Variants in ZC2HC1A observed in about 807,000 individuals in gnomAD.
The protein encoded by ZC2HC1A is zinc finger C2HC-type containing 1A.
Under a neutral mutation model 40.7 loss-of-function variants are expected in ZC2HC1A, and 28 were observed. The ratio of observed to expected loss-of-function variants is 0.69; its 90% CI spans 0.51 to 0.94. The LOEUF is 0.94. Ranked by LOEUF, ZC2HC1A falls within the 40% of genes least tolerant of loss-of-function variation. The pLI is 0.00. For missense variants in ZC2HC1A, 389 were observed against 386.3 expected, an observed-to-expected ratio of 1.01 and a Z score of -0.06; for synonymous variants, 129 against 129.2, an observed-to-expected ratio of 1.00 and a Z score of 0.01.
chr8:78,676,125 T>TAA (rs145824687), intron 2 of ZC2HC1A: 538 of 194,690 alleles, frequency 2.8e-3, no homozygotes, highest in Non-Finnish European at 3.4e-3. Context: ...ACAAACAAAA[T>TAA]AAAAAAAAAA....
chr8:78,685,149 G>T (rs1390616590), intron 3 of ZC2HC1A, among the ~76,000 whole-genome samples: 1 of 152,032 alleles, frequency 6.6e-6, no homozygotes, highest in African/African-American at 2.4e-5. Context: ...TCAGAAATAG[G>T]CCCAAATTCA....
rs146265574 is a variant in ZC2HC1A at position 78,715,667 on chromosome 8, T to C, written c.812+339T>C. Among the ~76,000 whole-genome samples the C allele has an allele frequency of 3.6e-4, 55 of 152,236 alleles. No individual in the cohort carries two copies. In the East Asian group the frequency reaches 0.011, roughly 29 times the overall value. On this transcript the variant is annotated intron_variant, in intron 8 of 8. Coordinates refer to ENST00000263849, the MANE Select transcript of ZC2HC1A (RefSeq NM_016010.3). ...TCAGTGGAGGAGGTAACTGCAGATG[T>C]ACTAGCAAAATAGCAAAAGAACTAG...
chr8:78,679,919 G>C (rs1462121944), intron 3 of ZC2HC1A, among the ~76,000 whole-genome samples: 1 of 152,084 alleles, frequency 6.6e-6, no homozygotes, highest in African/African-American at 2.4e-5. Context: ...GCCTATATTA[G>C]CTTTAATTTG....
chr8:78,685,118 CCGTGGAATG>C (rs1474431953), intron 3 of ZC2HC1A, among the ~76,000 whole-genome samples: 1 of 151,838 alleles, frequency 6.6e-6, no homozygotes, highest in Non-Finnish European at 1.5e-5. Context: ...ATAGTCAGAA[CCGTGGAATG>C]GAAGAGAAAG....
chr8:78,670,148 G>T (rs923475731), intron 1 of ZC2HC1A, among the ~76,000 whole-genome samples: 1 of 151,812 alleles, frequency 6.6e-6, no homozygotes, highest in Non-Finnish European at 1.5e-5. Flanking sequence ...TGTATTTTTA[G>T]TAGAGATGGG....
chr8:78,677,579 T>C (rs1809622551), intron 2 of ZC2HC1A, among the ~76,000 whole-genome samples: 2 of 152,180 alleles, frequency 1.3e-5, no homozygotes, highest in Non-Finnish European at 1.5e-5. Flanking sequence ...TTAACTTTTG[T>C]AATCCTAAAA....
chr8:78,686,508 T>C lies in ZC2HC1A; in HGVS notation c.252T>C (p.His84=). The C allele has an allele frequency of 1.3e-6, 2 of 1,545,928 alleles. No homozygotes were observed. The highest frequency in any genetic ancestry group is 1.7e-6 in the Non-Finnish European group (2 of 1,145,800). ...AACCATCTAATTGGAGAAGGAAACA[T>C]GAAGAATTCATTGCTACCATAAGAG... ...PKKPSNWRRK[H]EEFIATIRAA... is the part of the protein sequence containing the mutation. Residue 84 remains histidine, a synonymous_variant, in exon 4 of 9, where the codon CAT becomes CAC. Transcript: ENST00000263849.
intron 5 of ZC2HC1A, among the ~76,000 whole-genome samples, chr8:78,693,653 T>C (rs1362044231): frequency 6.6e-6 from 1 of 152,192 alleles, no homozygotes; most frequent in Non-Finnish European, 1.5e-5. Context: ...GATGAGTAGA[T>C]TGCAAAAATT....
chr8:78,670,025 T>C (rs1809400401), intron 1 of ZC2HC1A, among the ~76,000 whole-genome samples: 1 of 149,222 alleles, frequency 6.7e-6, no homozygotes, highest in Non-Finnish European at 1.5e-5. Flanking sequence ...TGGAGTGCAG[T>C]GGCATGATCT....
At chr8:78,702,316 C>A (rs1243609854) in intron 7 of ZC2HC1A, among the ~76,000 whole-genome samples, 2 of 149,844 alleles carry the variant, frequency 1.3e-5, no homozygotes, top group East Asian at 3.9e-4. Context: ...GTGGTAATAC[C>A]CCTCTTGTCA....
chr8:78,697,155 T>A (rs1810447563), intron 5 of ZC2HC1A, among the ~76,000 whole-genome samples: 1 of 152,198 alleles, frequency 6.6e-6, no homozygotes, highest in Admixed American at 6.5e-5. Context: ...CCAATTATTT[T>A]TTTACTGTGG....
chr8:78,703,452 G>GT (rs1401266295), intron 7 of ZC2HC1A, among the ~76,000 whole-genome samples: 1 of 151,870 alleles, frequency 6.6e-6, no homozygotes, highest in Non-Finnish European at 1.5e-5. Flanking sequence ...ATGAATCTGA[G>GT]TGCTCCTGTG....
intron 7 of ZC2HC1A, among the ~76,000 whole-genome samples, chr8:78,714,368 T>G (rs946635982): frequency 9.2e-5 from 14 of 152,148 alleles, no homozygotes; most frequent in Non-Finnish European, 2.1e-4. Context: ...AGCACTATTA[T>G]ATAAATGTTA....
At chr8:78,715,111 T>C (rs997794855) in intron 7 of ZC2HC1A, 110 bp from the exon 8 acceptor site, 30 of 901,076 alleles carry the variant, frequency 3.3e-5, no homozygotes, top group Non-Finnish European at 4.5e-5. Flanking sequence ...TTTAATCTTT[T>C]GAACTTCTCT....
intron 3 of ZC2HC1A, among the ~76,000 whole-genome samples, chr8:78,684,970 A>G (rs929300428): frequency 6.6e-6 from 1 of 152,198 alleles, no homozygotes; most frequent in Admixed American, 6.5e-5. Flanking sequence ...TAAAAATTAG[A>G]CAAGTTGATT....
intron 7 of ZC2HC1A, among the ~76,000 whole-genome samples, chr8:78,704,672 A>G (rs1266449445): frequency 6.6e-6 from 1 of 152,200 alleles, no homozygotes; most frequent in Non-Finnish European, 1.5e-5. Context: ...GTTCTCATGG[A>G]TGACATCCTG....
chr8:78,685,820 T>G (rs1809950406), intron 3 of ZC2HC1A: 1 of 152,258 alleles, frequency 6.6e-6, no homozygotes, highest in South Asian at 2.1e-4. Flanking sequence ...TGTGTTAGTC[T>G]CTTTTCTGCT....
intron 5 of ZC2HC1A, among the ~76,000 whole-genome samples, chr8:78,697,189 T>G (rs1215399926): frequency 6.6e-6 from 1 of 152,238 alleles, no homozygotes; most frequent in African/African-American, 2.4e-5. Context: ...GCATAAACTT[T>G]ACCATCTTAA....
intron 7 of ZC2HC1A, among the ~76,000 whole-genome samples, chr8:78,699,780 C>A (rs990663928): frequency 1.3e-5 from 2 of 152,086 alleles, no homozygotes; most frequent in Non-Finnish European, 2.9e-5. Context: ...CCATTCATGT[C>A]CCTCCTAAGG....
Sources: gnomAD v4.1 joint callset for allele counts (sites outside exome capture counted in the v4.1 genomes callset) on GRCh38, gnomAD v4.1.1 for gene constraint, MANE v1.5 for transcripts, NCBI Gene and HGNC (gene_info 2026-07-23, HGNC 2026-07-21) for gene names.